The following DIPK1A variants were observed in gnomAD, a reference collection of about 807,000 sequenced individuals.
DIPK1A encodes family with sequence similarity 69 member A.
Under a neutral mutation model 40.8 loss-of-function variants are expected in DIPK1A, and 27 were observed. That is an observed-to-expected ratio of 0.66 (90% CI 0.49 to 0.91). The LOEUF is 0.91. Among genes scored for constraint, DIPK1A ranks in the 40% least tolerant of loss-of-function variants. The probability of loss-of-function intolerance (pLI) is 0.00; values close to 1 mark genes in which losing one functional copy is unlikely to be tolerated. For missense variants in DIPK1A, 412 were observed against 505.7 expected (o/e 0.81, Z 1.78); for synonymous variants, 166 against 171.3 (o/e 0.97, Z 0.24).
Position 92,939,849 on chromosome 1 carries a change from G to A in DIPK1A, c.54+21527C>T, listed in dbSNP as rs192175246. 2.0e-3 allele frequency among the ~76,000 whole-genome samples: 301 copies of A among 152,260 alleles called. 1 individual carries two copies. Among genetic ancestry groups the A allele is most frequent in the African/African-American group, 7.0e-3 (292 of 41,540 alleles). ...TGCCTGTAATCCCAGCTACTGAGGA[G>A]GCTGAGGCAGGAGAATCACTTGAAC... On this transcript the variant is annotated intron_variant, in intron 1 of 4. Coordinates refer to ENST00000370310, the MANE Select transcript of DIPK1A (RefSeq NM_001006605.5).
chr1:92,844,884 T>C (rs994317019), intron 4 of DIPK1A, among the ~76,000 whole-genome samples: 8 of 150,666 alleles, frequency 5.3e-5, no homozygotes, highest in Non-Finnish European at 7.4e-5. Flanking sequence ...GCAATGAAAA[T>C]AAAACTTTTT....
In DIPK1A at chr1:92,847,373, A is replaced by G. The variant is rs1360529536; in HGVS notation, c.298-14T>C. 1 of 1,583,802 alleles carries G rather than the reference A, an allele frequency of 6.3e-7. No individual in the cohort carries two copies. ...CCCTAAATACATCTATGTAAAAAAG[A>G]GTGGCAAGTTATGTATTATACTGAG... On this transcript the variant is annotated splice_polypyrimidine_tract_variant and intron_variant, in intron 3 of 4. Coordinates refer to ENST00000370310, the MANE Select transcript of DIPK1A (RefSeq NM_001006605.5).
chr1:92,926,777 C>T (rs1650530113), intron 1 of DIPK1A, among the ~76,000 whole-genome samples: 1 of 152,186 alleles, frequency 6.6e-6, no homozygotes, highest in African/African-American at 2.4e-5. Flanking sequence ...TGGTAGTACT[C>T]CTTGAAGTCC....
intron 1 of DIPK1A, chr1:92,931,362 A>G (rs1047503204): frequency 1.7e-5 from 4 of 242,386 alleles, no homozygotes; most frequent in African/African-American, 9.2e-5. Context: ...AGAAAAAAGG[A>G]CTGAGTGCAG....
At chr1:92,934,412 T>G (rs1185751234) in intron 1 of DIPK1A, among the ~76,000 whole-genome samples, 1 of 152,210 alleles carries the variant, frequency 6.6e-6, no homozygotes, top group Non-Finnish European at 1.5e-5. Context: ...TAGTAGAATA[T>G]GCCAATTTTC....
intron 1 of DIPK1A, among the ~76,000 whole-genome samples, chr1:92,902,005 G>C (rs535055762): frequency 2.0e-5 from 3 of 152,116 alleles, no homozygotes; most frequent in Non-Finnish European, 4.4e-5. Flanking sequence ...TTACCTAGGG[G>C]GTGAAGTGCC....
At chr1:92,948,698 CAT>C (rs1250022519) in intron 1 of DIPK1A, among the ~76,000 whole-genome samples, 2 of 86,842 alleles carry the variant, frequency 2.3e-5, no homozygotes, top group African/African-American at 4.1e-5. Context: ...TATATATACA[CAT>C]ATGTATATAC....
rs189823324 is a variant in DIPK1A at position 92,921,601 on chromosome 1, G to A, written c.54+39775C>T. 2.6e-4 allele frequency among the ~76,000 whole-genome samples: 39 copies of A among 152,276 alleles called. No individual in the cohort carries two copies. In the East Asian group the frequency reaches 2.7e-3, roughly 11 times the overall value. On this transcript the variant is annotated intron_variant, in intron 1 of 4. Transcript: ENST00000370310. Reference sequence around the variant, plus strand: ...TGGCTCAGTGGGAGAGCAACTGTGCGTCAGTCTTGGGCAGGACATCTCTGG... The same window carrying A: ...TGGCTCAGTGGGAGAGCAACTGTGCATCAGTCTTGGGCAGGACATCTCTGG...
Position 92,843,865 on chromosome 1 carries a change from C to G in DIPK1A, c.805G>C (p.Ala269Pro). 6.4e-7 allele frequency: 1 copy of G among 1,551,726 alleles called. No individual in the cohort carries two copies. The highest frequency in any genetic ancestry group is 8.7e-7 in the Non-Finnish European group (1 of 1,147,006). ...QLFTPSWPRK[A>P]KIAIGLLEFV... ...TCTAGAAGTCCTATGGCTATTTTGG[C>G]CTTTCTTGGCCATGATGGTGTGAAC... Residue 269 changes from alanine to proline, a missense_variant, in exon 5 of 5, where the codon GCC becomes CCC. Physicochemically the swap from Ala to Pro is conservative, Grantham distance 27. Transcript: ENST00000370310.
intron 1 of DIPK1A, chr1:92,934,017 T>G (rs1048099197): frequency 6.6e-6 from 1 of 152,122 alleles, no homozygotes; most frequent in Non-Finnish European, 1.5e-5. Flanking sequence ...AGATAAAGGG[T>G]GAAATTTGAG....
At chr1:92,919,565 A>G (rs150545734) in intron 1 of DIPK1A, among the ~76,000 whole-genome samples, 4 of 152,314 alleles carry the variant, frequency 2.6e-5, no homozygotes, top group African/African-American at 7.2e-5. Context: ...TAAGAATTCT[A>G]TCATGCTTTC....
rs75399671 is a variant in DIPK1A, at chr1:92,846,890, C to T, written c.474+293G>A. Among the ~76,000 whole-genome samples, 6,035 of 6,208 alleles carry T rather than the reference C, an allele frequency of 0.97. 2,957 individuals carry two copies. The highest frequency in any genetic ancestry group is 1 in the Middle Eastern group (10 of 10). The allele number at this position is 6,208 out of a possible 152,430, so 4.1% of individuals were successfully genotyped here. Reference sequence around the variant, plus strand: ...ATATATATATATATATATACACACACACGTATATATATATATACGTGTATA... The same window carrying T: ...ATATATATATATATATATACACACATACGTATATATATATATACGTGTATA... On this transcript the variant is annotated intron_variant, in intron 4 of 4. Transcript: ENST00000370310.
Position 92,899,261 on chromosome 1 carries a change from A to G in DIPK1A, c.55-22831T>C, listed in dbSNP as rs563490708. On this transcript the variant is annotated intron_variant, in intron 1 of 4. Coordinates refer to ENST00000370310, the MANE Select transcript of DIPK1A (RefSeq NM_001006605.5). ...GTTCATATATATTTATAATTGTTAT[A>G]TCCTCTGGCTGAATTGATCCCTTTA... 2.6e-5 allele frequency among the ~76,000 whole-genome samples: 4 copies of G among 152,300 alleles called. 1 individual carries two copies. The South Asian group carries it at 8.3e-4, about 32-fold the overall frequency.
intron 2 of DIPK1A, among the ~76,000 whole-genome samples, chr1:92,873,785 C>T (rs1193255461): frequency 1.3e-5 from 2 of 152,046 alleles, no homozygotes; most frequent in East Asian, 1.9e-4. Flanking sequence ...GATCATAGTT[C>T]ACTGCAATCT....
chr1:92,846,837 ATATATGTGTGTATATATATATGTG>A (rs1687636276), intron 4 of DIPK1A, among the ~76,000 whole-genome samples: 1 of 6,756 alleles, frequency 1.5e-4, no homozygotes, highest in African/African-American at 1.4e-3. Flanking sequence ...ATATATATAT[ATATATGTGTGTATATATATATGTG>A]TGTATATATA....
chr1:92,898,579 A>C (rs1225165043), intron 1 of DIPK1A, among the ~76,000 whole-genome samples: 2 of 152,140 alleles, frequency 1.3e-5, no homozygotes, highest in Non-Finnish European at 2.9e-5. Flanking sequence ...GGCTCAAGGG[A>C]TTCTCTGATC....
At chr1:92,900,209 T>C (rs1329005103) in intron 1 of DIPK1A, among the ~76,000 whole-genome samples, 2 of 152,222 alleles carry the variant, frequency 1.3e-5, no homozygotes, top group Non-Finnish European at 2.9e-5. Context: ...TTCTACACCT[T>C]TTCCCTTCTT....
chr1:92,846,792 CATATATATATATAT>C (rs1180062565), intron 4 of DIPK1A, among the ~76,000 whole-genome samples: 2 of 16,034 alleles, frequency 1.2e-4, no homozygotes, highest in Non-Finnish European at 2.5e-4. Flanking sequence ...CCACTCCTGG[CATATATATATATAT>C]ATATATATAT....
intron 2 of DIPK1A, among the ~76,000 whole-genome samples, chr1:92,856,110 C>G (rs1256584995): frequency 6.6e-6 from 1 of 151,808 alleles, no homozygotes; most frequent in Non-Finnish European, 1.5e-5. Flanking sequence ...AAAAAGGTAG[C>G]TCTTTGAAAA....
Sources: allele counts gnomAD v4.1 joint callset (sites outside exome capture counted in the v4.1 genomes callset), GRCh38; gene constraint gnomAD v4.1.1; transcripts MANE v1.5; gene names NCBI Gene and HGNC (gene_info 2026-07-23, HGNC 2026-07-21).